Variants in KCNQ2 observed in about 807,000 individuals in gnomAD.
KCNQ2 encodes potassium voltage-gated channel subfamily KQT member 2.
A neutral mutation model predicts 84.8 loss-of-function variants in KCNQ2; 14 were observed. The observed-to-expected ratio is 0.17, with a 90% CI of 0.11 to 0.26. KCNQ2 has a LOEUF of 0.26. KCNQ2 is among the 10% of genes least tolerant of loss of function. KCNQ2 has a pLI of 1.00. For synonymous variants in KCNQ2, 599 were observed against 554.1 expected (o/e 1.08, Z -1.14); for missense variants, 788 against 1,254.0 (o/e 0.63, Z 5.61).
In KCNQ2 at chr20:63,408,526, T is replaced by G; in HGVS notation, c.1774A>C (p.Ile592Leu). Reference protein sequence around the residue: ...IKSLQSRVDQIVGRGPAITDK... With the variant: ...IKSLQSRVDQLVGRGPAITDK... ...GTGATCGCTGGGCCCCGCCCCACGA[T>G]CTGGTCCACTCTACCGGGAACAGAG... Residue 592 changes from isoleucine (I) to leucine (L), a missense_variant, in exon 16 of 17, where the codon ATC (isoleucine) becomes CTC (leucine). Transcript: ENST00000359125. This position sits in a 1 kb window ranked among gnomAD's most constrained non-coding sequence, Gnocchi z 5.0. 1 of 1,610,824 alleles carries G rather than the reference T, an allele frequency of 6.2e-7. No homozygotes were observed. Among genetic ancestry groups the G allele is most frequent in the Non-Finnish European group, 8.5e-7 (1 of 1,179,296 alleles).
At chr20:63,455,395 C>G (rs1022746495) in intron 1 of KCNQ2, among the ~76,000 whole-genome samples, 1 of 152,134 alleles carries the variant, frequency 6.6e-6, no homozygotes, top group Non-Finnish European at 1.5e-5. Context: ...AGGGGGACAC[C>G]TGGACCGCGG....
intron 9 of KCNQ2, among the ~76,000 whole-genome samples, chr20:63,430,331 A>T (rs545275063): frequency 6.6e-6 from 1 of 152,078 alleles, no homozygotes; most frequent in East Asian, 1.9e-4. Context: ...CAGACATTGG[A>T]GATGTCTTAT....
At position 63,443,956 on chromosome 20, in the gene KCNQ2, C is replaced by T. The variant is rs375943694; in HGVS notation, c.690+703G>A. Among the ~76,000 whole-genome samples, 154 of 152,344 alleles carry T rather than the reference C, an allele frequency of 1.0e-3. 3 individuals carry two copies. In the South Asian group the frequency reaches 0.025, roughly 25 times the overall value. On this transcript the variant is annotated intron_variant, in intron 4 of 16. Transcript: ENST00000359125. Reference sequence around the variant, plus strand: ...ACCCTCCCCCAACCTCCCTGAGCCTCCGGGCACAGATGTGAAAAGGGTGCC... The same window carrying T: ...ACCCTCCCCCAACCTCCCTGAGCCTTCGGGCACAGATGTGAAAAGGGTGCC...
intron 1 of KCNQ2, among the ~76,000 whole-genome samples, chr20:63,453,107 C>G (rs1340923796): frequency 6.6e-5 from 10 of 152,110 alleles, no homozygotes; most frequent in Admixed American, 6.5e-4. Flanking sequence ...CCTGCCCTAT[C>G]CAGCTGCCGC....
In KCNQ2 at chr20:63,425,473, A is replaced by G. The variant is rs2080598421; in HGVS notation, c.1218-1267T>C. Among the ~76,000 whole-genome samples the G allele has an allele frequency of 6.6e-6, 1 of 152,278 alleles. No homozygotes were observed. Among genetic ancestry groups the G allele is most frequent in the South Asian group, 2.1e-4 (1 of 4,824 alleles). On this transcript the variant is annotated intron_variant, in intron 10 of 16. Coordinates refer to ENST00000359125, the MANE Select transcript of KCNQ2 (RefSeq NM_172107.4). The surrounding 1 kb of genome is among the most constrained non-coding windows in gnomAD (Gnocchi z 5.5). ...AGTGGCTCACACCTGTAATCCCAGC[A>G]CTTTGGGAGGCCGAGGCGGGTGGAT...
intron 9 of KCNQ2, among the ~76,000 whole-genome samples, chr20:63,428,661 T>C (rs1474195374): frequency 6.6e-6 from 1 of 152,102 alleles, no homozygotes. Context: ...GCCTGGGGCC[T>C]TGTCAACCAG....
chr20:63,409,833 T>C, intron 15 of KCNQ2: 1 of 129,732 alleles, frequency 7.7e-6, no homozygotes, highest in Non-Finnish European at 1.6e-5. Flanking sequence ...TACCTGCCTC[T>C]GATGGGGGCG....
At chr20:63,426,197 A>G (rs2080629746) in intron 10 of KCNQ2, among the ~76,000 whole-genome samples, 1 of 150,572 alleles carries the variant, frequency 6.6e-6, no homozygotes, top group Non-Finnish European at 1.5e-5. Flanking sequence ...CTGGTATGAA[A>G]CTCCCCAAAA....
intron 5 of KCNQ2, among the ~76,000 whole-genome samples, chr20:63,441,452 G>A (rs940181998): frequency 3.3e-5 from 5 of 152,118 alleles, no homozygotes; most frequent in African/African-American, 9.7e-5. Context: ...CTCACCATAA[G>A]GCTTAGTAAC....
chr20:63,458,364 A>G (rs1459797667), intron 1 of KCNQ2, among the ~76,000 whole-genome samples: 1 of 151,894 alleles, frequency 6.6e-6, no homozygotes, highest in African/African-American at 2.4e-5. Context: ...CTCATGGTGG[A>G]CCCCACGCGA....
At chr20:63,447,244 A>C in intron 1 of KCNQ2, 4 of 253,510 alleles carry the variant, frequency 1.6e-5, no homozygotes, top group Non-Finnish European at 3.1e-5. Context: ...AACAAGCAAA[A>C]CCCCTGGGGC....
chr20:63,439,819 C>A, intron 5 of KCNQ2, 111 bp from the exon 6 acceptor site: 1 of 800,248 alleles, frequency 1.2e-6, no homozygotes, highest in South Asian at 1.4e-5. Flanking sequence ...CGGGGCCACC[C>A]CCGTGTCACC....
At position 63,408,671 on chromosome 20, in the gene KCNQ2, G is replaced by C; in HGVS notation, c.1764-135C>G. ...GCCCAGAGCCGACCAGGGGGCAGTG[G>C]GTGCCAGGACAGATGGACGGGGTGC... On this transcript the variant is annotated intron_variant, in intron 15 of 16. Coordinates refer to ENST00000359125, the MANE Select transcript of KCNQ2 (RefSeq NM_172107.4). This position sits in a 1 kb window ranked among gnomAD's most constrained non-coding sequence, Gnocchi z 5.0. 3 of 1,363,464 alleles carry C rather than the reference G, an allele frequency of 2.2e-6. No individual in the cohort carries two copies. Among genetic ancestry groups the C allele is most frequent in the Non-Finnish European group, 3.0e-6 (3 of 990,712 alleles). The allele number at this position is 1,363,464 out of a possible 1,614,324, so 84.5% of individuals were successfully genotyped here. A position where few individuals can be genotyped will look rare whatever the true frequency, so the allele number is the denominator to read the frequency against.
intron 5 of KCNQ2, among the ~76,000 whole-genome samples, chr20:63,441,190 C>T (rs561492801): frequency 8.7e-5 from 13 of 148,802 alleles, no homozygotes; most frequent in Non-Finnish European, 1.9e-4. Flanking sequence ...GCCTGGCCTG[C>T]GGGGGAGGTG....
intron 10 of KCNQ2, chr20:63,424,474 C>G: frequency 1.8e-6 from 1 of 553,984 alleles, no homozygotes. Flanking sequence ...CTGGGGGTCT[C>G]TACCCCTCCA....
chr20:63,419,635 A>G lies in KCNQ2; in HGVS notation c.1285T>C (p.Cys429Arg). Residue 429 changes from cysteine to arginine, a missense_variant, in exon 12 of 17, where the codon TGC becomes CGC. By Grantham distance (180) the Cys-to-Arg change is radical. Around this residue, in one of 8 missense-constraint regions of KCNQ2, gnomAD observed 202 missense variants for 239.4 expected, o/e 0.84. Transcript: ENST00000359125. ...CCGCGGTACCTAGAGCGTCCGGGGCAGCATCCACACAGGGGCCCTCTGCAC... is the reference window on the plus strand; with the variant it reads ...CCGCGGTACCTAGAGCGTCCGGGGCGGCATCCACACAGGGGCCCTCTGCAC... ...SPCRGPLCGC[C>R]PGRSSQKVSL... The G allele has an allele frequency of 1.2e-6, 2 of 1,611,632 alleles. No homozygotes were observed. The highest frequency in any genetic ancestry group is 2.2e-5 in the East Asian group (1 of 44,802).
At chr20:63,444,920 G>A in intron 3 of KCNQ2, 86 bp from the exon 4 acceptor site, 1 of 1,404,020 alleles carries the variant, frequency 7.1e-7, no homozygotes, top group South Asian at 1.4e-5. Flanking sequence ...GTTCCAGGAG[G>A]ATGTGCAGAG....
intron 1 of KCNQ2, among the ~76,000 whole-genome samples, chr20:63,456,476 T>A (rs1165659107): frequency 1.3e-5 from 2 of 152,118 alleles, no homozygotes; most frequent in Admixed American, 1.3e-4. Flanking sequence ...TTTAGTTAAA[T>A]GAAAACGGAA....
intron 1 of KCNQ2, among the ~76,000 whole-genome samples, chr20:63,464,057 A>T (rs1180021281): frequency 1.3e-5 from 2 of 152,116 alleles, no homozygotes; most frequent in African/African-American, 4.8e-5. Flanking sequence ...AACCCAAAAA[A>T]ATGAAAGACC....
Sources: allele counts gnomAD v4.1 joint callset (sites outside exome capture counted in the v4.1 genomes callset), GRCh38; gene constraint gnomAD v4.1.1; regional missense constraint gnomAD v4.1.1; non-coding constraint Gnocchi (gnomAD v3.1); transcripts MANE v1.5; gene names NCBI Gene and HGNC (gene_info 2026-07-23, HGNC 2026-07-21).